GPM6B: variants seen among roughly 807,000 people sequenced by gnomAD.
GPM6B encodes the protein glycoprotein M6B, also known as neuronal membrane glycoprotein M6-b.
GPM6B carries 4 observed loss-of-function variants against 27.2 expected under a neutral mutation model. That is an observed-to-expected ratio of 0.15 (90% CI 0.07 to 0.34). The LOEUF is 0.34. Among genes scored for constraint, GPM6B ranks in the 10% least tolerant of loss-of-function variants. GPM6B has a pLI of 1.00. For missense variants in GPM6B, 183 were observed against 261.9 expected (o/e 0.70, Z 2.08); for synonymous variants, 124 against 103.1 (o/e 1.20, Z -1.23).
chrX:13,888,483 T>C (rs1302869868), intron 1 of GPM6B, among the ~76,000 whole-genome samples: 1 of 112,311 alleles, frequency 8.9e-6, no homozygotes, highest in Non-Finnish European at 1.9e-5. Context: ...CATTTCTGTA[T>C]TCTTTGTTCA....
chrX:13,925,709 T>C (rs1367795642), intron 1 of GPM6B, among the ~76,000 whole-genome samples: 4 of 111,039 alleles, frequency 3.6e-5, no homozygotes, highest in African/African-American at 6.6e-5. Flanking sequence ...TATGAAGAGA[T>C]ATACCATATA....
chrX:13,886,293 T>G (rs943271220), intron 1 of GPM6B, among the ~76,000 whole-genome samples: 5 of 111,966 alleles, frequency 4.5e-5, no homozygotes, highest in Non-Finnish European at 7.5e-5. Flanking sequence ...CTTTAGGAAC[T>G]CAATTGCTAT....
Position 13,772,938 on chromosome X carries a change from T to C in GPM6B, c.930A>G (p.Glu310=). Residue 310 remains glutamate, a synonymous_variant, in exon 8 of 8, where the codon GAA becomes GAG. Coordinates refer to ENST00000316715, the MANE Select transcript of GPM6B (RefSeq NM_001001995.3). ...QAYQDIKAKE[E]QELQDIQSRS... ...GAGACTGGATATCTTGCAGTTCCTG[T>C]TCTTCCTTTGCTTTGATATCCTGGT... The C allele has an allele frequency of 8.3e-7, 1 of 1,210,169 alleles. No individual in the cohort carries two copies. Among genetic ancestry groups the C allele is most frequent in the Non-Finnish European group, 1.1e-6 (1 of 893,896 alleles).
chrX:13,931,519 T>A (rs985537494), intron 1 of GPM6B, among the ~76,000 whole-genome samples: 36 of 108,541 alleles, frequency 3.3e-4, no homozygotes, highest in Non-Finnish European at 6.3e-4. Flanking sequence ...AAAAGAAAAA[T>A]AAATAAATAA....
At chrX:13,902,210 C>T (rs1213098758) in intron 1 of GPM6B, among the ~76,000 whole-genome samples, 1 of 111,762 alleles carries the variant, frequency 8.9e-6, no homozygotes, top group Non-Finnish European at 1.9e-5. Flanking sequence ...AAGGTCTTTA[C>T]TCCTTTGTGA....
chrX:13,865,061 T>C (rs994879541), intron 1 of GPM6B, among the ~76,000 whole-genome samples: 1 of 111,934 alleles, frequency 8.9e-6, no homozygotes, highest in African/African-American at 3.3e-5. Flanking sequence ...CTTACCTATT[T>C]TGGACCACTG....
chrX:13,833,465 A>G (rs911790633), intron 1 of GPM6B, among the ~76,000 whole-genome samples: 1 of 105,729 alleles, frequency 9.5e-6, no homozygotes, highest in Admixed American at 1.0e-4. Context: ...CTGTAATCCC[A>G]GCACTTTGGG....
chrX:13,915,291 A>C (rs2050418055), intron 1 of GPM6B, among the ~76,000 whole-genome samples: 1 of 109,562 alleles, frequency 9.1e-6, no homozygotes, highest in Non-Finnish European at 1.9e-5. Flanking sequence ...AAAAAAAAAA[A>C]AAAAAAAAAG....
intron 2 of GPM6B, among the ~76,000 whole-genome samples, chrX:13,786,966 G>C (rs1266775389): frequency 1.1e-5 from 1 of 90,491 alleles, no homozygotes; most frequent in Non-Finnish European, 2.1e-5. Context: ...CGGGGAAATT[G>C]AACTTTAAAC....
intron 1 of GPM6B, among the ~76,000 whole-genome samples, chrX:13,886,876 G>C (rs1300461173): frequency 9.0e-6 from 1 of 110,612 alleles, no homozygotes; most frequent in East Asian, 2.8e-4. Context: ...GAGTGCAGTA[G>C]CATGATCATG....
At chrX:13,852,357 C>T (rs5979987) in intron 1 of GPM6B, among the ~76,000 whole-genome samples, 44,037 of 110,032 alleles carry the variant, frequency 0.4, 6,695 homozygotes, top group Non-Finnish European at 0.47. Flanking sequence ...TCACCTCAAG[C>T]AGACTGCCTC....
intron 1 of GPM6B, among the ~76,000 whole-genome samples, chrX:13,843,806 T>G (rs2049610911): frequency 8.9e-6 from 1 of 112,298 alleles, no homozygotes; most frequent in Non-Finnish European, 1.9e-5. Flanking sequence ...ATATTCTGGA[T>G]GCAAGTCTCT....
At chrX:13,908,323 C>T (rs185169860) in intron 1 of GPM6B, among the ~76,000 whole-genome samples, 4 of 112,190 alleles carry the variant, frequency 3.6e-5, no homozygotes, top group African/African-American at 1.3e-4. Context: ...CCTTATATGA[C>T]ACACTGCAAA....
At chrX:13,826,341 G>C (rs191355336) in intron 1 of GPM6B, among the ~76,000 whole-genome samples, 1 of 111,094 alleles carries the variant, frequency 9.0e-6, no homozygotes, top group Admixed American at 9.6e-5. Context: ...CAACATGACA[G>C]AGCCACACTG....
upstream of GPM6B, among the ~76,000 whole-genome samples, chrX:13,819,181 A>G (rs918074516): frequency 1.8e-5 from 2 of 112,427 alleles, no homozygotes; most frequent in African/African-American, 6.5e-5. Flanking sequence ...GAAATGAGCA[A>G]TTCATCACTT....
At chrX:13,868,262 C>T (rs1298008714) in intron 1 of GPM6B, among the ~76,000 whole-genome samples, 1 of 111,198 alleles carries the variant, frequency 9.0e-6, no homozygotes. Flanking sequence ...GGAGGAAATG[C>T]TTTGTATTAA....
chrX:13,880,102 C>T (rs1273972133), intron 1 of GPM6B, among the ~76,000 whole-genome samples: 1 of 112,231 alleles, frequency 8.9e-6, no homozygotes, highest in African/African-American at 3.2e-5. Context: ...CTTTTGCTAA[C>T]ACACGGATTC....
Position 13,903,056 on chromosome X carries a change from C to T in GPM6B, c.-198+35271G>A, listed in dbSNP as rs776103038. On this transcript the variant is annotated intron_variant, in intron 1 of 6. Coordinates refer to the GPM6B transcript ENST00000398361. The stretch of plus-strand genomic sequence containing the variant: ...TGGGTGTCAGAATCAGAGCTTCACT[C>T]GAGGAGGACCTCATTAAGGGCTAGC... Among the ~76,000 whole-genome samples, 4 of 112,242 alleles carry T rather than the reference C, an allele frequency of 3.6e-5. No individual in the cohort carries two copies. The Admixed American group carries it at 3.7e-4, about 11-fold the overall frequency.
At chrX:13,884,296 G>A (rs1297311683) in intron 1 of GPM6B, among the ~76,000 whole-genome samples, 3 of 112,804 alleles carry the variant, frequency 2.7e-5, no homozygotes, top group Admixed American at 1.9e-4. Context: ...ATCAGACAGT[G>A]CTGGTCTAGA....
Sources: gnomAD v4.1 joint callset for allele counts (sites outside exome capture counted in the v4.1 genomes callset) on GRCh38, gnomAD v4.1.1 for gene constraint, MANE v1.5 for transcripts, NCBI Gene and HGNC (gene_info 2026-07-23, HGNC 2026-07-21) for gene names.